Variants in SYNE2 observed in about 807,000 individuals in gnomAD.
The protein encoded by SYNE2 is nesprin-2.
Under a neutral mutation model 856.3 loss-of-function variants are expected in SYNE2, and 431 were observed. The ratio of observed to expected loss-of-function variants is 0.50; its 90% confidence interval spans 0.47 to 0.55. SYNE2 has a LOEUF of 0.55. SYNE2 is among the 20% of genes least tolerant of loss of function. SYNE2 has a pLI of 0.00. For missense variants in SYNE2, 8,129 were observed against 8,023.2 expected (o/e 1.01, Z -0.50); for synonymous variants, 2,923 against 2,872.3 (o/e 1.02, Z -0.56).
chr14:64,017,684 T>C lies in SYNE2; in HGVS notation c.4977T>C (p.Asp1659=), dbSNP rs369766827. 5.6e-6 allele frequency: 9 copies of C among 1,613,748 alleles called. 1 individual carries two copies. The highest frequency in any genetic ancestry group is 1.7e-4 in the Middle Eastern group (1 of 6,052). The part of the protein sequence containing the change: ...DKLFNLKNVI[D]EWTEKALQKM... Reference sequence around the variant, plus strand: ...TTTTTAACTTAAAAAATGTCATTGATGAGTGGACAGAAAAGGCCCTTCAAA... The same window carrying C: ...TTTTTAACTTAAAAAATGTCATTGACGAGTGGACAGAAAAGGCCCTTCAAA... Residue 1659 remains aspartate, a synonymous_variant, in exon 34 of 116, where the codon GAT becomes GAC. Coordinates refer to ENST00000555002, the MANE Select transcript of SYNE2 (RefSeq NM_182914.3).
intron 2 of SYNE2, among the ~76,000 whole-genome samples, chr14:63,917,628 A>T (rs966741855): frequency 6.6e-6 from 1 of 151,918 alleles, no homozygotes; most frequent in Admixed American, 6.6e-5. Context: ...GAGCCACCAT[A>T]CCCAGCTAAT....
At chr14:63,798,049 CT>C (rs1472018044) in intron 1 of SYNE2, among the ~76,000 whole-genome samples, 1 of 152,174 alleles carries the variant, frequency 6.6e-6, no homozygotes, top group Non-Finnish European at 1.5e-5. Context: ...TTAAACACCT[CT>C]TTTCTTGCAT....
intron 1 of SYNE2, among the ~76,000 whole-genome samples, chr14:63,875,474 C>T (rs984771565): frequency 1.3e-5 from 2 of 152,144 alleles, no homozygotes; most frequent in African/African-American, 2.4e-5. Flanking sequence ...TCTTCCAACA[C>T]CATCACTTCC....
At chr14:64,023,133 T>C in intron 38 of SYNE2, 1 of 405,286 alleles carries the variant, frequency 2.5e-6, no homozygotes, top group Non-Finnish European at 4.5e-6. Flanking sequence ...AGCAAGTACC[T>C]GTAGTCCCAG....
intron 1 of SYNE2, chr14:63,874,044 C>T (rs1431584526): frequency 1.3e-5 from 2 of 152,176 alleles, no homozygotes; most frequent in Admixed American, 1.3e-4. Flanking sequence ...TGGATTAGGA[C>T]AGTTAAAAAC....
chr14:64,013,902 A>C (rs995171194), intron 32 of SYNE2, among the ~76,000 whole-genome samples: 1 of 152,138 alleles, frequency 6.6e-6, no homozygotes, highest in African/African-American at 2.4e-5. Context: ...AAACTATAGA[A>C]TATTGCAATC....
At position 64,225,609 on chromosome 14, in the gene SYNE2, C is replaced by T. The variant is rs1166427102; in HGVS notation, c.*83C>T. ...CGTGGCCCCAGACCAATCTGAGTGA[C>T]TTAGTGTTGGCAAGGTCCCGGGACC... On this transcript the variant is annotated 3_prime_UTR_variant, in exon 116 of 116. Coordinates refer to ENST00000555002, the MANE Select transcript of SYNE2 (RefSeq NM_182914.3). The T allele has an allele frequency of 4.1e-6, 6 of 1,461,538 alleles. No homozygotes were observed. Among genetic ancestry groups the T allele is most frequent in the African/African-American group, 1.4e-5 (1 of 71,490 alleles). The allele number at this position is 1,461,538 out of a possible 1,614,324, so 90.5% of individuals were successfully genotyped here. A position where few individuals can be genotyped will look rare whatever the true frequency, so the allele number is the denominator to read the frequency against.
intron 84 of SYNE2, among the ~76,000 whole-genome samples, chr14:64,149,089 C>T (rs1490045084): frequency 6.6e-6 from 1 of 150,806 alleles, no homozygotes; most frequent in Non-Finnish European, 1.5e-5. Context: ...AGAAGGATCA[C>T]TTGAGGCCAG....
chr14:63,958,077 A>G (rs923542768), intron 8 of SYNE2, among the ~76,000 whole-genome samples: 1 of 152,182 alleles, frequency 6.6e-6, no homozygotes, highest in Admixed American at 6.5e-5. Flanking sequence ...CAGTTTTAGA[A>G]CAATTTTAGA....
intron 84 of SYNE2, among the ~76,000 whole-genome samples, chr14:64,148,242 G>C (rs1299003052): frequency 6.6e-6 from 1 of 152,158 alleles, no homozygotes; most frequent in African/African-American, 2.4e-5. Flanking sequence ...TTGAGCCCAG[G>C]AATTCAAGGT....
intron 49 of SYNE2, 150 bp downstream of exon 49, chr14:64,056,416 G>T: frequency 1.6e-6 from 1 of 628,060 alleles, no homozygotes; most frequent in Non-Finnish European, 2.6e-6. Flanking sequence ...TGGAAAATAT[G>T]GTTAAGTAGA....
chr14:64,064,334 G>C (rs187425091), intron 50 of SYNE2, among the ~76,000 whole-genome samples: 36 of 152,154 alleles, frequency 2.4e-4, no homozygotes, highest in Admixed American at 2.4e-3. Context: ...ATCCCAGGTG[G>C]GATGGAGAGA....
rs1308026109 is a variant in SYNE2 at position 64,031,209 on chromosome 14, ACAG to A, written c.7076_7078del (p.Ser2359del). On this transcript the variant is annotated inframe_deletion, in exon 45 of 116. Coordinates refer to ENST00000555002, the MANE Select transcript of SYNE2 (RefSeq NM_182914.3). ...AAGCAGGAGATGGAATGTTGTCTCAACAGCATTCTCAAATCAAAACGCTCAACA... is the reference window on the plus strand; with the variant it reads ...AAGCAGGAGATGGAATGTTGTCTCAACATTCTCAAATCAAAACGCTCAACA... 1 of 1,614,224 alleles carries A rather than the reference ACAG, an allele frequency of 6.2e-7. No individual in the cohort carries two copies. Among genetic ancestry groups the A allele is most frequent in the East Asian group, 2.2e-5 (1 of 44,884 alleles).
Position 63,976,567 on chromosome 14 carries a change from A to G in SYNE2, c.1133A>G (p.Asn378Ser). 8.4e-6 allele frequency: 13 copies of G among 1,555,426 alleles called. No homozygotes were observed. The highest frequency in any genetic ancestry group is 1.5e-5 in the African/African-American group (1 of 67,542). ...EAWDGLDHQI[N>S]AWKIKLNYAL... ...TTTTTTTTTTTTTTTTTTCAGATTA[A>G]TGCATGGAAAATAAAGCTAAATTAT... Residue 378 changes from asparagine to serine, a missense_variant, in exon 12 of 116, where the codon AAT (asparagine) becomes AGT (serine). Asn to Ser is a conservative substitution (Grantham distance 46). Around this residue, in one of 3 missense-constraint regions of SYNE2, gnomAD observed 2,422 missense variants for 2,357.4 expected, o/e 1.03. Transcript: ENST00000555002.
chr14:63,805,811 G>A (rs1485783257), intron 1 of SYNE2, among the ~76,000 whole-genome samples: 1 of 152,138 alleles, frequency 6.6e-6, no homozygotes, highest in Non-Finnish European at 1.5e-5. Flanking sequence ...AAATGCTACT[G>A]ATTTTTGTAT....
intron 100 of SYNE2, chr14:64,207,829 C>T (rs2098615412): frequency 2.8e-6 from 1 of 360,296 alleles, no homozygotes; most frequent in Middle Eastern, 4.6e-4. Flanking sequence ...TTTGCTTTCT[C>T]ACAATGTAAT....
At chr14:64,174,750 G>C (rs1442692866) in intron 94 of SYNE2, among the ~76,000 whole-genome samples, 194 bp from the exon 95 acceptor site, 1 of 152,138 alleles carries the variant, frequency 6.6e-6, no homozygotes, top group Non-Finnish European at 1.5e-5. Flanking sequence ...ACCTCACTTA[G>C]TGGTATGCTT....
chr14:64,129,454 C>A (rs762376125), intron 74 of SYNE2, among the ~76,000 whole-genome samples: 3 of 152,154 alleles, frequency 2.0e-5, no homozygotes, highest in Non-Finnish European at 4.4e-5. Context: ...TGCTGTGTGT[C>A]TGTTTCGAAG....
chr14:64,153,498 T>A (rs2098261465), intron 85 of SYNE2, among the ~76,000 whole-genome samples: 1 of 152,208 alleles, frequency 6.6e-6, no homozygotes. Flanking sequence ...TTCAACCATT[T>A]GTACCAAGAG....
Sources: gnomAD v4.1 joint callset for allele counts (sites outside exome capture counted in the v4.1 genomes callset) on GRCh38, gnomAD v4.1.1 for gene constraint, gnomAD v4.1.1 regional missense constraint, MANE v1.5 for transcripts, NCBI Gene and HGNC (gene_info 2026-07-23, HGNC 2026-07-21) for gene names.